Variants in SCYL3 observed in about 807,000 individuals in gnomAD.
SCYL3 encodes the protein protein-associating with the carboxyl-terminal domain of ezrin.
SCYL3 carries 35 observed loss-of-function variants against 73.8 expected under a neutral mutation model. The ratio of observed to expected loss-of-function variants is 0.47; its 90% confidence interval spans 0.36 to 0.63. SCYL3 has a LOEUF of 0.63. SCYL3 is among the 20% of genes least tolerant of loss of function. The pLI is 0.00. For missense variants in SCYL3, 712 were observed against 798.9 expected (o/e 0.89, Z 1.31); for synonymous variants, 277 against 295.2 (o/e 0.94, Z 0.63).
Position 169,870,337 on chromosome 1 carries a change from G to C in SCYL3, c.543C>G (p.Leu181=). The C allele has an allele frequency of 6.2e-7, 1 of 1,612,474 alleles. No individual in the cohort carries two copies. Among genetic ancestry groups the C allele is most frequent in the Non-Finnish European group, 8.5e-7 (1 of 1,179,236 alleles). ...CCCGGGCATGTCCATGACACTCTGG[G>C]AGAGTTGTGAATTCTGGAGACTAAA... ...PEEMSPEFTT[L]PECHGHARDA... Residue 181 remains leucine, a synonymous_variant, in exon 6 of 13, where the codon CTC becomes CTG. Transcript: ENST00000367771.
At chr1:169,870,021 C>A (rs1483775430) in intron 6 of SCYL3, among the ~76,000 whole-genome samples, 3 of 152,208 alleles carry the variant, frequency 2.0e-5, no homozygotes, top group African/African-American at 7.2e-5. Flanking sequence ...ACACATGATA[C>A]TGACAGCCAT....
chr1:169,872,940 CCTCAT>C (rs1660517542), intron 5 of SCYL3, among the ~76,000 whole-genome samples: 1 of 152,118 alleles, frequency 6.6e-6, no homozygotes, highest in Non-Finnish European at 1.5e-5. Context: ...AAGGGACTTG[CCTCAT>C]CTCAGATGAG....
intron 10 of SCYL3, among the ~76,000 whole-genome samples, chr1:169,859,553 A>G (rs1215552237): frequency 1.3e-5 from 2 of 152,238 alleles, no homozygotes; most frequent in Non-Finnish European, 2.9e-5. Context: ...TAAAAAGTTC[A>G]TGTACTGGCA....
At chr1:169,885,022 A>G (rs1661578619) in intron 2 of SCYL3, among the ~76,000 whole-genome samples, 1 of 152,242 alleles carries the variant, frequency 6.6e-6, no homozygotes, top group Non-Finnish European at 1.5e-5. Context: ...TTCAATGAAC[A>G]TCAGTTGAGC....
At position 169,853,305 on chromosome 1, in the gene SCYL3, A is replaced by AT. The variant is rs1438520350; in HGVS notation, c.*407dup. ...ATCATTTATATAATTTATAGCTAAA[A>AT]TTTTTTAAAGTTGTATTTCATAATA... On this transcript the variant is annotated 3_prime_UTR_variant, in exon 13 of 13. Coordinates refer to ENST00000367771, the MANE Select transcript of SCYL3 (RefSeq NM_020423.7). The AT allele has an allele frequency of 5.9e-6, 2 of 340,538 alleles. No homozygotes were observed. Among genetic ancestry groups the AT allele is most frequent in the Non-Finnish European group, 5.3e-6 (1 of 188,650 alleles). 21.1% of individuals were successfully genotyped at this position (340,538 alleles called of 1,614,324 possible). A position where few individuals can be genotyped will look rare whatever the true frequency, so the allele number is the denominator to read the frequency against.
intron 2 of SCYL3, among the ~76,000 whole-genome samples, chr1:169,884,824 CACTTA>C (rs1476021001): frequency 2.6e-5 from 4 of 152,176 alleles, no homozygotes; most frequent in Admixed American, 6.5e-5. Flanking sequence ...CTGAACAAGG[CACTTA>C]ACTTAGCAAG....
At position 169,867,314 on chromosome 1, in the gene SCYL3, A is replaced by G. The variant is rs1267152091; in HGVS notation, c.738-341T>C. ...GGAGAAATGACATTACCATTACAAA[A>G]TATTGCTGACTCTCAAGTCTCCTTT... On this transcript the variant is annotated intron_variant, in intron 7 of 12. Transcript: ENST00000367771. Among the ~76,000 whole-genome samples the G allele has an allele frequency of 3.9e-5, 6 of 152,370 alleles. No homozygotes were observed. In the East Asian group the frequency reaches 1.2e-3, roughly 29 times the overall value.
Position 169,850,183 on chromosome 1 carries a change from A to C in SCYL3, c.*3530T>G. On this transcript the variant is annotated 3_prime_UTR_variant, in exon 13 of 13. Coordinates refer to ENST00000367771, the MANE Select transcript of SCYL3 (RefSeq NM_020423.7). ...CTTACTTAAAATGAATTTTTGGTTA[A>C]GGTAGCTCATAAAACTCATCTATTT... is the stretch of plus-strand genomic sequence containing the variant. 4.7e-6 allele frequency: 4 copies of C among 852,768 alleles called. No homozygotes were observed. The highest frequency in any genetic ancestry group is 7.6e-6 in the Non-Finnish European group (4 of 526,704). 52.8% of individuals were successfully genotyped at this position (852,768 alleles called of 1,614,324 possible).
At position 169,854,637 on chromosome 1, in the gene SCYL3, G is replaced by A. The variant is rs201470077; in HGVS notation, c.1640C>T (p.Pro547Leu). Residue 547 changes from proline to leucine, a missense_variant, in exon 12 of 13, where the codon CCT becomes CTT. By Grantham distance (98) the Pro-to-Leu change is moderately conservative (BLOSUM62 -3). This residue lies in a region of SCYL3 where 370 missense variants were observed against 350.8 expected (regional missense o/e 1.05). Transcript: ENST00000367771. ...TKPVTSGEQKPIPALLSLTEE... is the reference protein window; with the variant it reads ...TKPVTSGEQKLIPALLSLTEE... ...AGTGAGTGAAAGCAAAGCAGGAATA[G>A]GCTTCTGCTCCCCTGAGGTAACAGG... is the stretch of plus-strand genomic sequence containing the variant. The A allele has an allele frequency of 1.1e-4, 183 of 1,614,042 alleles. No homozygotes were observed. Among genetic ancestry groups the A allele is most frequent in the Admixed American group, 9.7e-4 (58 of 59,998 alleles).
chr1:169,857,260 T>C (rs1406109213), intron 11 of SCYL3, among the ~76,000 whole-genome samples: 4 of 152,246 alleles, frequency 2.6e-5, no homozygotes, highest in African/African-American at 7.2e-5. Flanking sequence ...ATTTAAAATA[T>C]ATCCTTTGGC....
At chr1:169,893,331 G>C (rs913169040) in intron 1 of SCYL3, among the ~76,000 whole-genome samples, 1 of 152,156 alleles carries the variant, frequency 6.6e-6, no homozygotes, top group Non-Finnish European at 1.5e-5. Context: ...CCCGAGGGCG[G>C]GCGCGCCCCC....
chr1:169,878,554 T>G (rs1661015985), intron 3 of SCYL3, 80 bp downstream of exon 3: 6 of 1,169,034 alleles, frequency 5.1e-6, no homozygotes, highest in Admixed American at 2.5e-5. Context: ...ACACCATAAT[T>G]TATAAGTATT....
chr1:169,850,330 A>G lies in SCYL3; in HGVS notation c.*3383T>C. The G allele has an allele frequency of 6.2e-7, 1 of 1,607,170 alleles. No individual in the cohort carries two copies. The highest frequency in any genetic ancestry group is 8.5e-7 in the Non-Finnish European group (1 of 1,173,856). On this transcript the variant is annotated 3_prime_UTR_variant, in exon 13 of 13. Transcript: ENST00000367771. The stretch of plus-strand genomic sequence containing the variant: ...CTGAAGAAACTAAGAACAAAGTTGT[A>G]TCCTTTCTGGAGAAGGTACTTTCTT...
At position 169,850,216 on chromosome 1, in the gene SCYL3, C is replaced by A; in HGVS notation, c.*3497G>T. 2 of 1,253,144 alleles carry A rather than the reference C, an allele frequency of 1.6e-6. No homozygotes were observed. The highest frequency in any genetic ancestry group is 1.2e-6 in the Non-Finnish European group (1 of 865,112). 77.6% of individuals were successfully genotyped at this position (1,253,144 alleles called of 1,614,324 possible). A position where few individuals can be genotyped will look rare whatever the true frequency, so the allele number is the denominator to read the frequency against. ...CATAAAACTCATCTATTTGTCTTTGCAAGTTGTTGAAATGTTAAAATTGGT... is the reference window on the plus strand; with the variant it reads ...CATAAAACTCATCTATTTGTCTTTGAAAGTTGTTGAAATGTTAAAATTGGT... On this transcript the variant is annotated 3_prime_UTR_variant, in exon 13 of 13. Coordinates refer to ENST00000367771, the MANE Select transcript of SCYL3 (RefSeq NM_020423.7).
rs1303980598 is a variant in SCYL3, at chr1:169,859,230, A to G, written c.1141-18T>C. 1.2e-6 allele frequency: 2 copies of G among 1,600,190 alleles called. No homozygotes were observed. The highest frequency in any genetic ancestry group is 1.7e-6 in the Non-Finnish European group (2 of 1,173,614). Reference sequence around the variant, plus strand: ...AGCAAAACCTAGGAGCAAATGAGGTAATAAGGGTTGACAACCACAATACCT... The same window carrying G: ...AGCAAAACCTAGGAGCAAATGAGGTGATAAGGGTTGACAACCACAATACCT... On this transcript the variant is annotated intron_variant, in intron 10 of 12. Coordinates refer to ENST00000367771, the MANE Select transcript of SCYL3 (RefSeq NM_020423.7).
chr1:169,851,853 G>A lies in SCYL3; in HGVS notation c.*1860C>T, dbSNP rs769125196. The A allele has an allele frequency of 1.2e-6, 2 of 1,613,922 alleles. No individual in the cohort carries two copies. Among genetic ancestry groups the A allele is most frequent in the African/African-American group, 2.7e-5 (2 of 74,910 alleles). ...AGATGAAACTGAAGCTGCCAAAGTGGAACGTGTGAAACAGGAAAAAGGTAT... is the reference window on the plus strand; with the variant it reads ...AGATGAAACTGAAGCTGCCAAAGTGAAACGTGTGAAACAGGAAAAAGGTAT... On this transcript the variant is annotated 3_prime_UTR_variant, in exon 13 of 13. Coordinates refer to ENST00000367771, the MANE Select transcript of SCYL3 (RefSeq NM_020423.7).
At position 169,850,241 on chromosome 1, in the gene SCYL3, T is replaced by G; in HGVS notation, c.*3472A>C. On this transcript the variant is annotated 3_prime_UTR_variant, in exon 13 of 13. Transcript: ENST00000367771. ...CAAGTTGTTGAAATGTTAAAATTGG[T>G]CTTGTTCATCAATTTTTTAATAGGG... The G allele has an allele frequency of 6.6e-7, 1 of 1,508,798 alleles. No homozygotes were observed. Among genetic ancestry groups the G allele is most frequent in the African/African-American group, 1.4e-5 (1 of 72,428 alleles). 93.5% of individuals were successfully genotyped at this position (1,508,798 alleles called of 1,614,324 possible). A position where few individuals can be genotyped will look rare whatever the true frequency, so the allele number is the denominator to read the frequency against.
At chr1:169,880,527 C>T (rs1558139909) in intron 2 of SCYL3, among the ~76,000 whole-genome samples, 1 of 95,728 alleles carries the variant, frequency 1.0e-5, no homozygotes. Context: ...AAAAAACTAT[C>T]AGCTTGGAAT....
intron 5 of SCYL3, 79 bp from the exon 6 acceptor site, chr1:169,870,436 C>A: frequency 1.1e-6 from 1 of 887,888 alleles, no homozygotes; most frequent in South Asian, 1.4e-5. Flanking sequence ...CACCTTCTCC[C>A]ATGTTTGTAT....
Sources: allele counts gnomAD v4.1 joint callset (sites outside exome capture counted in the v4.1 genomes callset), GRCh38; gene constraint gnomAD v4.1.1; regional missense constraint gnomAD v4.1.1; transcripts MANE v1.5; gene names NCBI Gene and HGNC (gene_info 2026-07-23, HGNC 2026-07-21).